Variants in POLA1 observed in about 807,000 individuals in gnomAD.
POLA1 encodes DNA polymerase alpha catalytic subunit.
A neutral mutation model predicts 124.0 loss-of-function variants in POLA1; 15 were observed. That is an observed-to-expected ratio of 0.12 (90% CI 0.08 to 0.19). The LOEUF is 0.19. POLA1 is among the 10% of genes least tolerant of loss of function. POLA1 has a pLI of 1.00. For synonymous variants in POLA1, 408 were observed against 389.4 expected (o/e 1.05, Z -0.56); for missense variants, 886 against 1,103.4 (o/e 0.80, Z 2.79).
At chrX:24,915,478 A>G (rs1252528917) in intron 35 of POLA1, among the ~76,000 whole-genome samples, 1 of 111,975 alleles carries the variant, frequency 8.9e-6, no homozygotes, top group East Asian at 2.8e-4. Flanking sequence ...GCTCTATCCA[A>G]AGATATCCCT....
chrX:24,799,634 A>G (rs184880752), intron 26 of POLA1, among the ~76,000 whole-genome samples: 1 of 111,900 alleles, frequency 8.9e-6, no homozygotes, highest in Admixed American at 9.5e-5. Context: ...GTGCTTTGAA[A>G]GAGTTAATGG....
At chrX:24,793,302 A>T (rs1181726792) in intron 26 of POLA1, among the ~76,000 whole-genome samples, 1 of 105,679 alleles carries the variant, frequency 9.5e-6, no homozygotes, top group East Asian at 3.0e-4. Flanking sequence ...AAAAAAAAAA[A>T]AAAAGGCCTA....
chrX:24,959,650 G>A (rs186724699), intron 36 of POLA1, among the ~76,000 whole-genome samples: 7 of 111,227 alleles, frequency 6.3e-5, no homozygotes, highest in Non-Finnish European at 1.3e-4. Flanking sequence ...CACTAGCCAC[G>A]TGTGCCTATT....
intron 19 of POLA1, 92 bp from the exon 20 acceptor site, chrX:24,739,280 TATC>T: frequency 5.3e-6 from 3 of 561,458 alleles, no homozygotes; most frequent in Non-Finnish European, 8.9e-6. Context: ...ATGAGAGTTT[TATC>T]ATAATTTTGG....
chrX:24,824,460 CTTTTTT>C (rs781633550), intron 31 of POLA1, among the ~76,000 whole-genome samples: 1 of 67,103 alleles, frequency 1.5e-5, no homozygotes, highest in Non-Finnish European at 2.8e-5. Flanking sequence ...GCCTGGCTAA[CTTTTTT>C]TTTTTTTTTT....
intron 36 of POLA1, among the ~76,000 whole-genome samples, chrX:24,947,444 T>C (rs2047980894): frequency 9.8e-6 from 1 of 101,599 alleles, no homozygotes; most frequent in Non-Finnish European, 2.0e-5. Context: ...ATTTTTTGTA[T>C]TTTTTTTTTA....
intron 24 of POLA1, among the ~76,000 whole-genome samples, chrX:24,746,127 A>G (rs1255837447): frequency 9.0e-6 from 1 of 110,856 alleles, no homozygotes; most frequent in Non-Finnish European, 1.9e-5. Flanking sequence ...TCTCACCGCA[A>G]GCTTAGGACC....
chrX:24,768,146 T>A (rs1932952096), intron 26 of POLA1, among the ~76,000 whole-genome samples: 1 of 112,523 alleles, frequency 8.9e-6, no homozygotes, highest in African/African-American at 3.2e-5. Context: ...AAAGGATGTG[T>A]ACTGTATTAG....
rs201937417 is a variant in POLA1, at chrX:24,937,793, ACT to A, written c.4261+7248_4261+7249del. Among the ~76,000 whole-genome samples the A allele has an allele frequency of 6.0e-3, 675 of 111,718 alleles. 4 individuals carry two copies. Among genetic ancestry groups the A allele is most frequent in the Non-Finnish European group, 8.7e-3 (462 of 53,130 alleles). On this transcript the variant is annotated intron_variant, in intron 36 of 36. Coordinates refer to ENST00000379068, the MANE Select transcript of POLA1 (RefSeq NM_001330360.2). ...AGTTTCAGAAGCACTGATCTAAGAC[ACT>A]CTCCCTTAATAACTAAAGCCTACTT...
intron 34 of POLA1, among the ~76,000 whole-genome samples, chrX:24,880,093 A>G (rs1367253100): frequency 3.6e-5 from 4 of 111,771 alleles, no homozygotes; most frequent in Admixed American, 9.5e-5. Context: ...GTAATATACA[A>G]TCGCTGAGGC....
chrX:24,724,062 G>A (rs5944671), intron 11 of POLA1, among the ~76,000 whole-genome samples: 49,881 of 111,171 alleles, frequency 0.45, 8,889 homozygotes, highest in East Asian at 0.67. Flanking sequence ...GAGTCTCTTG[G>A]TCAGGATTTA....
intron 36 of POLA1, among the ~76,000 whole-genome samples, chrX:24,968,221 C>T (rs756678223): frequency 2.7e-4 from 30 of 111,720 alleles, no homozygotes; most frequent in Admixed American, 2.9e-4. Flanking sequence ...ACTTTATTAA[C>T]ATTTTAAAAA....
chrX:24,802,875 G>A (rs2045739424), intron 26 of POLA1, among the ~76,000 whole-genome samples: 1 of 111,447 alleles, frequency 9.0e-6, no homozygotes, highest in South Asian at 3.8e-4. Context: ...GCGCCTGCCT[G>A]TAATACCAGC....
chrX:24,934,302 G>A (rs1333319908), intron 36 of POLA1, among the ~76,000 whole-genome samples: 3 of 112,239 alleles, frequency 2.7e-5, no homozygotes, highest in Non-Finnish European at 3.8e-5. Flanking sequence ...CCTATTAGGT[G>A]TTGAGTGACA....
intron 26 of POLA1, among the ~76,000 whole-genome samples, chrX:24,808,661 A>T (rs2045846870): frequency 9.0e-6 from 1 of 111,474 alleles, no homozygotes; most frequent in South Asian, 3.7e-4. Context: ...ATATTAATAC[A>T]ACGAACATCT....
chrX:24,996,188 G>GCCCCTCCCCAAGCT lies in POLA1; in HGVS notation c.*255_*268dup, dbSNP rs923659095. ...TACTGCTTTAAAACACAACTCCAGA[G>GCCCCTCCCCAAGCT]CCCCTCCCCAAGCTCCCCTCCCCAA... On this transcript the variant is annotated 3_prime_UTR_variant, in exon 37 of 37. Coordinates refer to ENST00000379068, the MANE Select transcript of POLA1 (RefSeq NM_001330360.2). 4 of 280,973 alleles carry GCCCCTCCCCAAGCT rather than the reference G, an allele frequency of 1.4e-5. No individual in the cohort carries two copies. The highest frequency in any genetic ancestry group is 5.8e-5 in the East Asian group (1 of 17,199). The allele number at this position is 280,973 out of a possible 1,213,427, so 23.2% of individuals were successfully genotyped here. A position where few individuals can be genotyped will look rare whatever the true frequency, so the allele number is the denominator to read the frequency against.
intron 35 of POLA1, among the ~76,000 whole-genome samples, chrX:24,912,651 C>G (rs1298867335): frequency 8.9e-6 from 1 of 111,841 alleles, no homozygotes; most frequent in Non-Finnish European, 1.9e-5. Flanking sequence ...AAAACCTTGA[C>G]AAAGGCTGGG....
chrX:24,721,173 A>G (rs1490119952), intron 10 of POLA1, among the ~76,000 whole-genome samples: 1 of 113,119 alleles, frequency 8.8e-6, no homozygotes, highest in Non-Finnish European at 1.9e-5. Context: ...TTTGTTATTG[A>G]TCTGTCATCC....
chrX:24,885,066 A>G (rs1320058387), intron 34 of POLA1, among the ~76,000 whole-genome samples: 1 of 112,320 alleles, frequency 8.9e-6, no homozygotes, highest in Non-Finnish European at 1.9e-5. Context: ...AAGTTTCAAA[A>G]ACATCTGAAA....
Sources: allele counts gnomAD v4.1 joint callset (sites outside exome capture counted in the v4.1 genomes callset), GRCh38; gene constraint gnomAD v4.1.1; transcripts MANE v1.5; gene names NCBI Gene and HGNC (gene_info 2026-07-23, HGNC 2026-07-21).